The following DIAPH2 variants were observed in gnomAD, a reference collection of about 807,000 sequenced individuals.
DIAPH2 encodes the protein diaphanous related formin 2.
DIAPH2 carries 35 observed loss-of-function variants against 92.7 expected under a neutral mutation model. The ratio of observed to expected loss-of-function variants is 0.38; its 90% CI spans 0.29 to 0.50. The LOEUF is 0.50. DIAPH2 is among the 20% of genes least tolerant of loss of function. DIAPH2 has a pLI of 0.94. For missense variants in DIAPH2, 701 were observed against 819.5 expected (o/e 0.86, Z 1.77); for synonymous variants, 301 against 280.4 (o/e 1.07, Z -0.73).
intron 5 of DIAPH2, among the ~76,000 whole-genome samples, chrX:96,894,472 G>A (rs2065329394): frequency 8.9e-6 from 1 of 111,783 alleles, no homozygotes; most frequent in South Asian, 3.7e-4. Flanking sequence ...AGTGGATACA[G>A]CACTAAAACT....
chrX:97,535,916 C>T (rs752977668), intron 26 of DIAPH2, among the ~76,000 whole-genome samples: 1 of 111,716 alleles, frequency 9.0e-6, no homozygotes, highest in Non-Finnish European at 1.9e-5. Flanking sequence ...GACTATGGTC[C>T]CAGTACATGG....
chrX:97,163,423 C>T (rs2315827), intron 22 of DIAPH2, among the ~76,000 whole-genome samples: 35,421 of 110,422 alleles, frequency 0.32, 4,960 homozygotes, highest in South Asian at 0.49. Flanking sequence ...CTTCTGGGAT[C>T]AAGCAAACTG....
chrX:96,891,768 G>A (rs190060530), intron 5 of DIAPH2, among the ~76,000 whole-genome samples: 21 of 111,790 alleles, frequency 1.9e-4, no homozygotes, highest in South Asian at 3.7e-4. Flanking sequence ...ACCCCACGAG[G>A]AAATTGTTTT....
intron 25 of DIAPH2, among the ~76,000 whole-genome samples, chrX:97,385,401 T>G (rs1016728484): frequency 1.2e-4 from 13 of 109,964 alleles, no homozygotes; most frequent in Non-Finnish European, 1.7e-4. Flanking sequence ...CCCAGCTAAT[T>G]TTTGTATTTT....
intron 26 of DIAPH2, among the ~76,000 whole-genome samples, chrX:97,570,089 TA>T (rs1388664924): frequency 7.1e-4 from 20 of 28,090 alleles, no homozygotes; most frequent in Admixed American, 1.2e-3. Flanking sequence ...TATATATATA[TA>T]TATATATATA....
chrX:97,513,909 G>A (rs1322470758), intron 26 of DIAPH2, among the ~76,000 whole-genome samples: 11 of 103,064 alleles, frequency 1.1e-4, no homozygotes, highest in Non-Finnish European at 2.2e-4. Flanking sequence ...CCCTTTGAGG[G>A]TAACCCGACC....
intron 16 of DIAPH2, among the ~76,000 whole-genome samples, chrX:96,962,282 TATACATATATATATATAC>T (rs2065854590): frequency 6.6e-5 from 5 of 75,279 alleles, no homozygotes; most frequent in South Asian, 7.6e-4. Context: ...TACATATATA[TATACATATATATATATAC>T]ATATATATAT....
intron 4 of DIAPH2, among the ~76,000 whole-genome samples, chrX:96,871,491 AAAAG>A (rs2065142522): frequency 1.9e-5 from 2 of 108,059 alleles, no homozygotes; most frequent in African/African-American, 6.7e-5. Flanking sequence ...AAAAAAAAAA[AAAAG>A]GTAGTGTACT....
chrX:96,713,673 A>G (rs1393675739), intron 1 of DIAPH2, among the ~76,000 whole-genome samples: 1 of 111,914 alleles, frequency 8.9e-6, no homozygotes, highest in Non-Finnish European at 1.9e-5. Flanking sequence ...CCTGGCAACC[A>G]CTGATCTTTT....
At chrX:96,899,636 A>G (rs1035460968) in intron 5 of DIAPH2, among the ~76,000 whole-genome samples, 30 of 111,275 alleles carry the variant, frequency 2.7e-4, no homozygotes, top group Admixed American at 8.6e-4. Flanking sequence ...GGCTGAGACA[A>G]TGGGGTTTTC....
chrX:96,746,902 G>A (rs1449804320), intron 3 of DIAPH2, among the ~76,000 whole-genome samples: 1 of 111,577 alleles, frequency 9.0e-6, no homozygotes, highest in Non-Finnish European at 1.9e-5. Flanking sequence ...TTCTCATATT[G>A]ATCAGAAGCA....
chrX:96,831,808 A>ATCTATTATGTG (rs1418434762), intron 4 of DIAPH2, among the ~76,000 whole-genome samples: 1 of 111,658 alleles, frequency 9.0e-6, no homozygotes, highest in African/African-American at 3.3e-5. Context: ...CATGTTACAT[A>ATCTATTATGTG]TCTATTATGT....
chrX:96,907,694 G>A (rs1185814957), intron 5 of DIAPH2, among the ~76,000 whole-genome samples: 2 of 111,781 alleles, frequency 1.8e-5, no homozygotes, highest in Non-Finnish European at 3.8e-5. Flanking sequence ...TTTTGCTGAA[G>A]GAGTGCCAAA....
At chrX:97,482,978 A>G (rs1233101800) in intron 26 of DIAPH2, among the ~76,000 whole-genome samples, 4 of 111,467 alleles carry the variant, frequency 3.6e-5, no homozygotes, top group Non-Finnish European at 5.6e-5. Context: ...ATGACCATAT[A>G]GCTCCAGTCA....
At chrX:97,426,376 C>A (rs2070064393) in intron 25 of DIAPH2, among the ~76,000 whole-genome samples, 1 of 109,252 alleles carries the variant, frequency 9.2e-6, no homozygotes, top group Non-Finnish European at 1.9e-5. Flanking sequence ...ACAACCTCCA[C>A]CTCCCAGGTT....
rs759180318 is a variant in DIAPH2 at position 97,241,586 on chromosome X, C to A, written c.2720-6129C>A. Among the ~76,000 whole-genome samples, 3 of 110,856 alleles carry A rather than the reference C, an allele frequency of 2.7e-5. No homozygotes were observed. In the South Asian group the frequency reaches 1.1e-3, roughly 42 times the overall value. On this transcript the variant is annotated intron_variant, in intron 22 of 26. Coordinates refer to ENST00000324765, the MANE Select transcript of DIAPH2 (RefSeq NM_006729.5). The stretch of plus-strand genomic sequence containing the variant: ...GTGCTGGGATTACAGGCATGAGCCA[C>A]CACGCCTGGCCAGTAATGGCTAATT...
At chrX:96,945,943 T>G (rs1280044213) in intron 14 of DIAPH2, among the ~76,000 whole-genome samples, 1 of 112,005 alleles carries the variant, frequency 8.9e-6, no homozygotes, top group Non-Finnish European at 1.9e-5. Context: ...GGTAGCTCTT[T>G]GGAGAACTGT....
chrX:96,729,752 T>C (rs1231583784), intron 1 of DIAPH2, among the ~76,000 whole-genome samples: 1 of 112,164 alleles, frequency 8.9e-6, no homozygotes, highest in Admixed American at 9.5e-5. Context: ...GTCATAAAAA[T>C]GGTGGAATGA....
intron 26 of DIAPH2, among the ~76,000 whole-genome samples, chrX:97,555,251 G>A (rs1344918373): frequency 1.8e-5 from 2 of 112,052 alleles, no homozygotes; most frequent in Non-Finnish European, 3.8e-5. Flanking sequence ...AAGAATATGG[G>A]TCTCAATGAG....
Sources: allele counts gnomAD v4.1 joint callset (sites outside exome capture counted in the v4.1 genomes callset), GRCh38; gene constraint gnomAD v4.1.1; transcripts MANE v1.5; gene names NCBI Gene and HGNC (gene_info 2026-07-23, HGNC 2026-07-21).